The following ZNF225 variants were observed in gnomAD, a reference collection of about 807,000 sequenced individuals.
ZNF225 encodes the protein zinc finger protein 225.
ZNF225 carries 6 observed loss-of-function variants against 12.0 expected under a neutral mutation model. The ratio of observed to expected loss-of-function variants is 0.50; its 90% CI spans 0.27 to 0.98. The LOEUF (loss-of-function observed/expected upper bound fraction) is 0.98, where lower values mean the gene tolerates loss of function less well. Ranked by LOEUF, ZNF225 falls within the 50% of genes least tolerant of loss-of-function variation. The pLI, the probability that ZNF225 is intolerant of heterozygous loss-of-function variation, is 0.11. For synonymous variants in ZNF225, 271 were observed against 283.2 expected (o/e 0.96, Z 0.43); for missense variants, 763 against 848.2 (o/e 0.90, Z 1.25).
At chr19:44,112,871 T>G (rs1452728251), upstream of ZNF225, 1 of 152,254 alleles carries the variant, frequency 6.6e-6, no homozygotes, top group Non-Finnish European at 1.5e-5. Flanking sequence ...TTCTCGCTTG[T>G]TCCCTTTCCA....
At chr19:44,118,600 T>C in intron 4 of ZNF225, 26 bp downstream of exon 4, 1 of 1,600,196 alleles carries the variant, frequency 6.2e-7, no homozygotes, top group East Asian at 2.2e-5. Context: ...CTCTGTGTCC[T>C]TGTGCGTGAC....
chr19:44,120,446 G>A (rs1211984270), intron 4 of ZNF225, among the ~76,000 whole-genome samples: 1 of 152,102 alleles, frequency 6.6e-6, no homozygotes, highest in African/African-American at 2.4e-5. Flanking sequence ...AATGGATGAG[G>A]GGAACTTCAG....
At chr19:44,126,255 C>A (rs890439125) in intron 4 of ZNF225, among the ~76,000 whole-genome samples, 1 of 152,188 alleles carries the variant, frequency 6.6e-6, no homozygotes, top group Admixed American at 6.5e-5. Flanking sequence ...TACTCTCCCC[C>A]TTTTCCTATG....
rs1257941062 is a variant in ZNF225, at chr19:44,132,375, G to A, written c.1761G>A (p.Lys587=). The change falls in exon 5 of 5, where the codon AAG becomes AAA. Residue 587 remains lysine, a synonymous_variant. Coordinates refer to ENST00000262894, the MANE Select transcript of ZNF225 (RefSeq NM_013362.4). ...FSRASSILNH[K]RLHGDEKPFK... ...GGGCCTCAAGTATTTTGAATCATAA[G>A]AGACTCCATGGTGATGAAAAGCCAT... The A allele has an allele frequency of 2.5e-6, 4 of 1,613,648 alleles. No homozygotes were observed. Among genetic ancestry groups the A allele is most frequent in the East Asian group, 2.2e-5 (1 of 44,878 alleles).
chr19:44,134,143 C>T lies in ZNF225; in HGVS notation c.*1408C>T, dbSNP rs957364553. On this transcript the variant is annotated 3_prime_UTR_variant, in exon 5 of 5. Transcript: ENST00000262894. ...AAGGGAAAAGGTTCTTGTATAATATCTGGAGGGAATCAGATGTAAATTTGT... is the reference window on the plus strand; with the variant it reads ...AAGGGAAAAGGTTCTTGTATAATATTTGGAGGGAATCAGATGTAAATTTGT... 1 of 152,108 alleles carries T rather than the reference C, an allele frequency of 6.6e-6. No homozygotes were observed. Among genetic ancestry groups the T allele is most frequent in the African/African-American group, 2.4e-5 (1 of 41,424 alleles). The allele number at this position is 152,108 out of a possible 1,614,324, so 9.4% of individuals were successfully genotyped here.
chr19:44,115,906 G>T, intron 2 of ZNF225, 64 bp downstream of exon 2: 2 of 1,564,254 alleles, frequency 1.3e-6, no homozygotes, highest in East Asian at 2.3e-5. Flanking sequence ...CTGTCGCCAA[G>T]GCTGGAGTGC....
upstream of ZNF225, chr19:44,112,247 A>G (rs140778456): frequency 6.6e-6 from 1 of 152,270 alleles, no homozygotes; most frequent in Non-Finnish European, 1.5e-5. Context: ...TGGCTGACAA[A>G]GAGAAGGGAA....
intron 4 of ZNF225, among the ~76,000 whole-genome samples, chr19:44,121,230 G>A (rs1030801803): frequency 6.6e-6 from 1 of 152,192 alleles, no homozygotes; most frequent in Non-Finnish European, 1.5e-5. Context: ...CCACATATCA[G>A]TGAGAATATA....
Position 44,118,278 on chromosome 19 carries a change from G to A in ZNF225, c.106G>A (p.Val36Met). The A allele has an allele frequency of 1.2e-6, 2 of 1,613,460 alleles. No individual in the cohort carries two copies. Among genetic ancestry groups the A allele is most frequent in the Non-Finnish European group, 8.5e-7 (1 of 1,179,742 alleles). Residue 36 changes from valine (V) to methionine (M), a missense_variant, in exon 3 of 5, where the codon GTG (valine) becomes ATG (methionine). Transcript: ENST00000262894. ...DLAQRKLYRE[V>M]MLENFRNLLS... Reference sequence around the variant, plus strand: ...TGCCCAGAGGAAACTGTACCGAGAAGTGATGCTGGAGAACTTCAGGAACCT... The same window carrying A: ...TGCCCAGAGGAAACTGTACCGAGAAATGATGCTGGAGAACTTCAGGAACCT...
chr19:44,115,458 C>T (rs945166076), intron 1 of ZNF225: 1 of 175,510 alleles, frequency 5.7e-6, no homozygotes, highest in Non-Finnish European at 1.2e-5. Context: ...AATATGTGGG[C>T]CTTCCTATGT....
At position 44,131,546 on chromosome 19, in the gene ZNF225, T is replaced by C. The variant is rs200836028; in HGVS notation, c.932T>C (p.Met311Thr). ...ANLNRHSMVH[M>T]REKPFRCDTC... is the part of the protein sequence containing the mutation. ...CTTAATAGGCATTCCATGGTTCACATGCGAGAGAAACCATTCAGATGTGAT... is the reference window on the plus strand; with the variant it reads ...CTTAATAGGCATTCCATGGTTCACACGCGAGAGAAACCATTCAGATGTGAT... The change falls in exon 5 of 5, where the codon ATG becomes ACG. Residue 311 changes from methionine (M) to threonine (T), a missense_variant. Transcript: ENST00000262894. 9.3e-5 allele frequency: 150 copies of C among 1,614,168 alleles called. 2 individuals are homozygous for C. In the African/African-American group the frequency reaches 1.9e-3, roughly 21 times the overall value.
chr19:44,132,373 A>T lies in ZNF225; in HGVS notation c.1759A>T (p.Lys587Ter). The T allele has an allele frequency of 6.2e-7, 1 of 1,613,732 alleles. No homozygotes were observed. Among genetic ancestry groups the T allele is most frequent in the Non-Finnish European group, 8.5e-7 (1 of 1,179,902 alleles). Residue 587 changes from lysine to a stop codon, truncating the protein, a stop_gained, in exon 5 of 5, where the codon AAG becomes TAG. Coordinates refer to ENST00000262894, the MANE Select transcript of ZNF225 (RefSeq NM_013362.4). LOFTEE classifies it low-confidence loss of function (END_TRUNC). Reference protein sequence around the residue: ...FSRASSILNHKRLHGDEKPFK... With the variant: ...FSRASSILNH Reference sequence around the variant, plus strand: ...CCGGGCCTCAAGTATTTTGAATCATAAGAGACTCCATGGTGATGAAAAGCC... The same window carrying T: ...CCGGGCCTCAAGTATTTTGAATCATTAGAGACTCCATGGTGATGAAAAGCC...
In ZNF225 at chr19:44,130,957, C is replaced by T. The variant is rs766189306; in HGVS notation, c.343C>T (p.Gln115Ter). The change falls in exon 5 of 5, where the codon CAA becomes TAA. Residue 115 changes from glutamine (Q) to a stop codon, truncating the protein, a stop_gained. Coordinates refer to ENST00000262894, the MANE Select transcript of ZNF225 (RefSeq NM_013362.4). LOFTEE classifies it low-confidence loss of function (END_TRUNC). ...EQISSDLTRF[Q>*]DSMVNSFQFS... ...AATTTCAAGTGACTTAACCAGGTTTCAAGACTCCATGGTAAACAGCTTTCA... is the reference window on the plus strand; with the variant it reads ...AATTTCAAGTGACTTAACCAGGTTTTAAGACTCCATGGTAAACAGCTTTCA... 7 of 1,613,980 alleles carry T rather than the reference C, an allele frequency of 4.3e-6. No homozygotes were observed. In the South Asian group the frequency reaches 5.5e-5, roughly 13 times the overall value.
rs1460700227 is a variant in ZNF225, at chr19:44,133,568, A to G, written c.*833A>G. On this transcript the variant is annotated 3_prime_UTR_variant, in exon 5 of 5. Coordinates refer to ENST00000262894, the MANE Select transcript of ZNF225 (RefSeq NM_013362.4). ...CCTGGAGATAGAAATCAAGGGGTATACATGTGGATGTAAAAAATCAACAAA... is the reference window on the plus strand; with the variant it reads ...CCTGGAGATAGAAATCAAGGGGTATGCATGTGGATGTAAAAAATCAACAAA... 1 of 152,198 alleles carries G rather than the reference A, an allele frequency of 6.6e-6. No homozygotes were observed. The highest frequency in any genetic ancestry group is 1.5e-5 in the Non-Finnish European group (1 of 68,032). The allele number at this position is 152,198 out of a possible 1,614,324, so 9.4% of individuals were successfully genotyped here.
upstream of ZNF225, chr19:44,113,382 GT>G (rs778024405): frequency 1.3e-5 from 2 of 152,176 alleles, no homozygotes; most frequent in Non-Finnish European, 2.9e-5. Flanking sequence ...ATTCTGGGAA[GT>G]GGAGTCCAGA....
rs1052477803 is a variant in ZNF225 at position 44,131,366 on chromosome 19, G to A, written c.752G>A (p.Arg251His). ...CGTAGATCAGGACTTTATGTTCATC[G>A]TAAATTACACACAGGAGTGAAACCT... The part of the protein sequence containing the change: ...FSRRSGLYVH[R>H]KLHTGVKPHI... The change falls in exon 5 of 5, where the codon CGT becomes CAT. Residue 251 changes from arginine (R) to histidine (H), a missense_variant. Arg to His is a conservative substitution (Grantham distance 29). Coordinates refer to ENST00000262894, the MANE Select transcript of ZNF225 (RefSeq NM_013362.4). 8.1e-6 allele frequency: 13 copies of A among 1,614,158 alleles called. No individual in the cohort carries two copies. The highest frequency in any genetic ancestry group is 3.3e-4 in the Middle Eastern group (2 of 6,062).
At chr19:44,128,772 A>G (rs1468574167) in intron 4 of ZNF225, 1 of 344,156 alleles carries the variant, frequency 2.9e-6, no homozygotes, top group Non-Finnish European at 5.2e-6. Flanking sequence ...GATAATTTCT[A>G]TTCTGGTTCT....
intron 4 of ZNF225, chr19:44,129,341 A>G (rs1968201364): frequency 3.1e-6 from 1 of 320,990 alleles, no homozygotes; most frequent in Non-Finnish European, 5.6e-6. Flanking sequence ...CCATATTCTT[A>G]AAATTATGGG....
rs112467012 is a variant in ZNF225, at chr19:44,115,785, G to A, written c.-43G>A. The A allele has an allele frequency of 4.6e-3, 7,411 of 1,607,286 alleles. 290 individuals are homozygous for A. The African/African-American group carries it at 0.084, about 18-fold the overall frequency. ...GCAGGATTCTGCTTTCCCTTGGACT[G>A]TATCACTCAGGACTCTGAATATTCC... On this transcript the variant is annotated 5_prime_UTR_variant, in exon 2 of 5. Transcript: ENST00000262894.
Sources: allele counts gnomAD v4.1 joint callset (sites outside exome capture counted in the v4.1 genomes callset), GRCh38; gene constraint gnomAD v4.1.1; transcripts MANE v1.5; gene names NCBI Gene and HGNC (gene_info 2026-07-23, HGNC 2026-07-21).